NFATC1: variants seen among roughly 807,000 people sequenced by gnomAD.
NFATC1 encodes nuclear factor of activated T cells 1.
A neutral mutation model predicts 76.0 loss-of-function variants in NFATC1; 22 were observed. The ratio of observed to expected loss-of-function variants is 0.29; its 90% CI spans 0.21 to 0.41. The LOEUF (loss-of-function observed/expected upper bound fraction) is 0.41. Ranked by LOEUF, NFATC1 falls within the 10% of genes least tolerant of loss-of-function variation. The pLI is 1.00. For missense variants in NFATC1, 1,357 were observed against 1,337.7 expected, an observed-to-expected ratio of 1.01 and a Z score of -0.23; for synonymous variants, 704 against 613.1, an observed-to-expected ratio of 1.15 and a Z score of -2.19.
chr18:79,451,297 T>C (rs978314139), intron 5 of NFATC1, among the ~76,000 whole-genome samples, 171 bp downstream of exon 5: 2 of 152,234 alleles, frequency 1.3e-5, no homozygotes, highest in Non-Finnish European at 2.9e-5. Flanking sequence ...GGCTGAGTTA[T>C]TGCCTGTGGC....
At chr18:79,419,482 CCCCTAGGAGGGCCGGCA>C (rs1241620787) in intron 2 of NFATC1, among the ~76,000 whole-genome samples, 1 of 143,574 alleles carries the variant, frequency 7.0e-6, no homozygotes, top group African/African-American at 2.6e-5. Flanking sequence ...CCCGGGAGCC[CCCCTAGGAGGGCCGGCA>C]CCTGCCTGCC....
At position 79,524,307 on chromosome 18, in the gene NFATC1, C is replaced by G. The variant is rs561377745; in HGVS notation, c.2783-3221C>G. On this transcript the variant is annotated intron_variant, in intron 9 of 9. Coordinates refer to ENST00000427363, the MANE Select transcript of NFATC1 (RefSeq NM_001278669.2). This position sits in a 1 kb window ranked among gnomAD's most constrained non-coding sequence, Gnocchi z 7.2. ...CTCAGGGCTACGGCACAGGCCGTGTCTGCGGGGCGAGCACGGCTCCACGTA... is the reference window on the plus strand; with the variant it reads ...CTCAGGGCTACGGCACAGGCCGTGTGTGCGGGGCGAGCACGGCTCCACGTA... Among the ~76,000 whole-genome samples the G allele has an allele frequency of 7.9e-5, 12 of 152,368 alleles. No individual in the cohort carries two copies. In the South Asian group the frequency reaches 2.3e-3, roughly 29 times the overall value.
chr18:79,528,915 A>G lies in NFATC1; in HGVS notation c.*1338A>G, dbSNP rs1479403464. On this transcript the variant is annotated 3_prime_UTR_variant, in exon 10 of 10. Transcript: ENST00000427363. ...AAAAGCATGGTTTATTCATTGAAAC[A>G]CGGTTGACCTGAACTCGTGCCTTAG... 6.6e-6 allele frequency: 1 copy of G among 152,646 alleles called. No homozygotes were observed. The highest frequency in any genetic ancestry group is 2.4e-5 in the African/African-American group (1 of 41,450). The allele number at this position is 152,646 out of a possible 1,614,324, so 9.5% of individuals were successfully genotyped here.
chr18:79,522,789 C>G (rs1238572353), intron 9 of NFATC1, among the ~76,000 whole-genome samples: 1 of 152,098 alleles, frequency 6.6e-6, no homozygotes, highest in Non-Finnish European at 1.5e-5. Context: ...ACCCTCCTGT[C>G]CCAGGGTCTG....
chr18:79,455,008 C>A (rs148086098), intron 6 of NFATC1, among the ~76,000 whole-genome samples: 1 of 152,170 alleles, frequency 6.6e-6, no homozygotes, highest in Non-Finnish European at 1.5e-5. Context: ...TCAACATAAA[C>A]GAAACGCCCG....
At chr18:79,409,122 ATTCCTCCATTCCCTATCCATCCATCC>A (rs2085551270) in intron 1 of NFATC1, among the ~76,000 whole-genome samples, 1 of 119,960 alleles carries the variant, frequency 8.3e-6, no homozygotes, top group East Asian at 3.7e-4. Context: ...TCAAACCATT[ATTCCTCCATTCCCTATCCATCCATCC>A]GTCATCCATC....
At chr18:79,468,077 T>C (rs1600831876) in intron 8 of NFATC1, 8 of 795,060 alleles carry the variant, frequency 1.0e-5, no homozygotes, top group Non-Finnish European at 1.2e-5. Context: ...TCTCCAGGGG[T>C]AACTTCATCT....
intron 6 of NFATC1, among the ~76,000 whole-genome samples, chr18:79,457,401 G>A (rs557447832): frequency 1.5e-3 from 234 of 152,298 alleles, no homozygotes; most frequent in African/African-American, 4.9e-3. Flanking sequence ...CCTGGGCCCC[G>A]CTGGTGTGGG....
At chr18:79,409,695 A>G (rs1010246350) in intron 1 of NFATC1, among the ~76,000 whole-genome samples, 5 of 152,014 alleles carry the variant, frequency 3.3e-5, no homozygotes, top group African/African-American at 9.7e-5. Flanking sequence ...TCCATCATCC[A>G]TTGTCCACCC....
chr18:79,402,987 C>G (rs1038114154), intron 1 of NFATC1, among the ~76,000 whole-genome samples: 1 of 152,246 alleles, frequency 6.6e-6, no homozygotes, highest in Non-Finnish European at 1.5e-5. Flanking sequence ...AGACTAAGCA[C>G]AGAAAGTCAA....
intron 6 of NFATC1, among the ~76,000 whole-genome samples, chr18:79,456,979 C>T (rs1200560501): frequency 2.6e-5 from 4 of 152,254 alleles, no homozygotes; most frequent in Non-Finnish European, 4.4e-5. Flanking sequence ...ATGACAACAC[C>T]TTCAGAGGTG....
intron 3 of NFATC1, among the ~76,000 whole-genome samples, chr18:79,446,988 C>A (rs1008499488): frequency 1.3e-5 from 2 of 152,246 alleles, no homozygotes; most frequent in Non-Finnish European, 2.9e-5. Context: ...CCAGTCCCTG[C>A]CCATCAGTCT....
intron 1 of NFATC1, among the ~76,000 whole-genome samples, chr18:79,397,012 G>A (rs2085029821): frequency 2.0e-5 from 3 of 152,182 alleles, no homozygotes; most frequent in African/African-American, 7.2e-5. Flanking sequence ...AAAAGGAACC[G>A]CCAAGTTTCG....
chr18:79,457,881 A>G (rs941770213), intron 6 of NFATC1, among the ~76,000 whole-genome samples: 2 of 152,188 alleles, frequency 1.3e-5, no homozygotes, highest in African/African-American at 4.8e-5. Flanking sequence ...GGTGTGGGTC[A>G]GGGCGTAGGG....
intron 2 of NFATC1, among the ~76,000 whole-genome samples, chr18:79,418,472 G>A (rs1238467004): frequency 2.0e-5 from 3 of 152,208 alleles, no homozygotes; most frequent in African/African-American, 7.2e-5. Flanking sequence ...CGGGGTGGGG[G>A]CACGTGTCAC....
rs866799063 is a variant in NFATC1, at chr18:79,396,297, G to A, written c.73G>A (p.Glu25Lys). Residue 25 changes from glutamate to lysine, a missense_variant, in exon 1 of 10, where the codon GAA becomes AAA. This residue lies in a region of NFATC1 where 691 missense variants were observed against 613.1 expected (regional missense o/e 1.13). Transcript: ENST00000427363. Reference sequence around the variant, plus strand: ...TGCGGCTGCGGTCTTCGGGAGAGGAGAAACTTTGGGGCCCGCGCCGCGCGC... The same window carrying A: ...TGCGGCTGCGGTCTTCGGGAGAGGAAAAACTTTGGGGCCCGCGCCGCGCGC... ...GPAAAVFGRG[E>K]TLGPAPRAGG... is the part of the protein sequence containing the mutation. The A allele has an allele frequency of 4.8e-6, 7 of 1,446,626 alleles. No homozygotes were observed. Among genetic ancestry groups the A allele is most frequent in the Middle Eastern group, 2.0e-4 (1 of 5,022 alleles). The allele number at this position is 1,446,626 out of a possible 1,614,324, so 89.6% of individuals were successfully genotyped here. A position where few individuals can be genotyped will look rare whatever the true frequency, so the allele number is the denominator to read the frequency against.
chr18:79,511,569 A>G (rs1241358865), intron 9 of NFATC1, among the ~76,000 whole-genome samples: 4 of 152,106 alleles, frequency 2.6e-5, no homozygotes, highest in African/African-American at 4.8e-5. Context: ...CGCCGTGCCC[A>G]GGATGTACGT....
chr18:79,401,330 A>G (rs1402349250), intron 1 of NFATC1, among the ~76,000 whole-genome samples: 3 of 151,950 alleles, frequency 2.0e-5, no homozygotes. Context: ...TGAGGGTCAT[A>G]TTTTCCGTAT....
At chr18:79,401,470 G>A (rs1401064286) in intron 1 of NFATC1, among the ~76,000 whole-genome samples, 1 of 152,228 alleles carries the variant, frequency 6.6e-6, no homozygotes, top group African/African-American at 2.4e-5. Flanking sequence ...CTGGGCCTGG[G>A]TTCTAGGTCT....
Sources: gnomAD v4.1 joint callset for allele counts (sites outside exome capture counted in the v4.1 genomes callset) on GRCh38, gnomAD v4.1.1 for gene constraint, gnomAD v4.1.1 regional missense constraint, Gnocchi (gnomAD v3.1) non-coding constraint, MANE v1.5 for transcripts, NCBI Gene and HGNC (gene_info 2026-07-23, HGNC 2026-07-21) for gene names.